TESK2: variants seen among roughly 807,000 people sequenced by gnomAD.
TESK2 encodes the protein dual specificity testis-specific protein kinase 2.
A neutral mutation model predicts 57.1 loss-of-function variants in TESK2; 39 were observed. That is an observed-to-expected ratio of 0.68 (90% CI 0.53 to 0.89). The LOEUF (loss-of-function observed/expected upper bound fraction) is 0.89, where lower values mean the gene tolerates loss of function less well. Ranked by LOEUF, TESK2 falls within the 40% of genes least tolerant of loss-of-function variation. TESK2 has a pLI of 0.00. For synonymous variants in TESK2, 249 were observed against 267.9 expected, an observed-to-expected ratio of 0.93 and a Z score of 0.69; for missense variants, 646 against 732.1, an observed-to-expected ratio of 0.88 and a Z score of 1.36.
At position 45,384,967 on chromosome 1, in the gene TESK2, G is replaced by A. The variant is rs182149930; in HGVS notation, c.393+945C>T. On this transcript the variant is annotated intron_variant, in intron 4 of 10. Transcript: ENST00000372086. ...CAGTAACTGAGAAAAGAGAGAGACT[G>A]AGGCACATGGGACCCTCTTTCATAA... Among the ~76,000 whole-genome samples, 3 of 152,194 alleles carry A rather than the reference G, an allele frequency of 2.0e-5. No individual in the cohort carries two copies. In the East Asian group the frequency reaches 5.8e-4, roughly 29 times the overall value.
At chr1:45,373,778 G>A (rs1648297682) in intron 4 of TESK2, among the ~76,000 whole-genome samples, 1 of 152,198 alleles carries the variant, frequency 6.6e-6, no homozygotes, top group Non-Finnish European at 1.5e-5. Flanking sequence ...AGTGCAGACA[G>A]TGATTATGTA....
At chr1:45,451,457 C>T (rs1190886092) in intron 2 of TESK2, among the ~76,000 whole-genome samples, 1 of 152,018 alleles carries the variant, frequency 6.6e-6, no homozygotes, top group Non-Finnish European at 1.5e-5. Flanking sequence ...CCATATGTGC[C>T]CTTGATTTGA....
At chr1:45,399,009 A>T in intron 3 of TESK2, 1 of 416,970 alleles carries the variant, frequency 2.4e-6, no homozygotes, top group Non-Finnish European at 4.6e-6. Context: ...AAAAAAAAAC[A>T]AGCCTTTAAG....
In TESK2 at chr1:45,344,691, A is replaced by G. The variant is rs559964368; in HGVS notation, c.*149T>C. The G allele has an allele frequency of 3.1e-4, 217 of 701,264 alleles. No individual in the cohort carries two copies. Among genetic ancestry groups the G allele is most frequent in the African/African-American group, 2.9e-3 (161 of 55,642 alleles). 43.4% of individuals were successfully genotyped at this position (701,264 alleles called of 1,614,324 possible). Reference sequence around the variant, plus strand: ...TGCTGCCTCCCGTCATACACAGCCAATGGGCACTGGGAGCCCAGAAGTTGA... The same window carrying G: ...TGCTGCCTCCCGTCATACACAGCCAGTGGGCACTGGGAGCCCAGAAGTTGA... On this transcript the variant is annotated 3_prime_UTR_variant, in exon 11 of 11. Transcript: ENST00000372086.
intron 3 of TESK2, among the ~76,000 whole-genome samples, chr1:45,389,249 C>T (rs1159822350): frequency 6.6e-6 from 1 of 152,054 alleles, no homozygotes; most frequent in Non-Finnish European, 1.5e-5. Context: ...CCTGAGACCT[C>T]GTCATATACA....
intron 1 of TESK2, among the ~76,000 whole-genome samples, chr1:45,483,108 T>G (rs1442183466): frequency 6.8e-6 from 1 of 147,368 alleles, no homozygotes; most frequent in African/African-American, 2.5e-5. Flanking sequence ...CGAAACCCCA[T>G]CTCTACTAAA....
chr1:45,386,469 C>G (rs1385492981), intron 3 of TESK2, among the ~76,000 whole-genome samples: 1 of 150,872 alleles, frequency 6.6e-6, no homozygotes, highest in Non-Finnish European at 1.5e-5. Context: ...GAAGAAAGAA[C>G]CTGTGAAGCC....
At chr1:45,434,217 C>A (rs893679617) in intron 2 of TESK2, among the ~76,000 whole-genome samples, 10 of 152,134 alleles carry the variant, frequency 6.6e-5, no homozygotes, top group Non-Finnish European at 1.2e-4. Flanking sequence ...TGGTCTCGAA[C>A]TCCGGAGCTC....
Position 45,436,181 on chromosome 1 carries a change from C to CT in TESK2, c.223-14336dup, listed in dbSNP as rs1170732475. ...CTGTGAAAAATGACATTGGTATCTT[C>CT]TTTTTTTTTTTTTTTTTTTTTGAGA... On this transcript the variant is annotated intron_variant, in intron 2 of 10. Coordinates refer to ENST00000372086, the MANE Select transcript of TESK2 (RefSeq NM_007170.3). Among the ~76,000 whole-genome samples the CT allele has an allele frequency of 3.4e-4, 19 of 56,620 alleles. 3 individuals are homozygous for CT. Among genetic ancestry groups the CT allele is most frequent in the Admixed American group, 1.3e-3 (4 of 3,190 alleles). The allele number at this position is 56,620 out of a possible 152,430, so 37.1% of individuals were successfully genotyped here. A position where few individuals can be genotyped will look rare whatever the true frequency, so the allele number is the denominator to read the frequency against.
chr1:45,437,706 T>C (rs2149292708), intron 2 of TESK2, among the ~76,000 whole-genome samples: 1 of 152,332 alleles, frequency 6.6e-6, no homozygotes, highest in East Asian at 1.9e-4. Context: ...TTTATTATGT[T>C]GAGGTATGTT....
intron 4 of TESK2, among the ~76,000 whole-genome samples, chr1:45,366,016 C>A (rs984595359): frequency 6.6e-6 from 1 of 151,904 alleles, no homozygotes. Flanking sequence ...ACCATGTTGG[C>A]CAGGCTGGTC....
intron 4 of TESK2, among the ~76,000 whole-genome samples, chr1:45,381,679 A>G (rs937164524): frequency 6.6e-6 from 1 of 152,072 alleles, no homozygotes; most frequent in African/African-American, 2.4e-5. Flanking sequence ...TGTATGAGAA[A>G]TAAACGTTTA....
intron 2 of TESK2, among the ~76,000 whole-genome samples, chr1:45,455,892 T>G (rs1183030110): frequency 6.6e-6 from 1 of 151,838 alleles, no homozygotes; most frequent in Non-Finnish European, 1.5e-5. Context: ...GTATACCTAT[T>G]AATAAAAGAA....
chr1:45,474,544 C>G (rs965122292), intron 1 of TESK2, among the ~76,000 whole-genome samples: 4 of 152,006 alleles, frequency 2.6e-5, no homozygotes, highest in African/African-American at 9.7e-5. Flanking sequence ...ATGATCTCAG[C>G]TCAGTGCAAT....
At chr1:45,473,195 A>G (rs969981505) in intron 1 of TESK2, among the ~76,000 whole-genome samples, 22 of 151,214 alleles carry the variant, frequency 1.5e-4, no homozygotes, top group African/African-American at 4.6e-4. Context: ...AAAATTTCCC[A>G]AAGTACAGAA....
At chr1:45,460,760 C>T (rs932937722) in intron 1 of TESK2, among the ~76,000 whole-genome samples, 1 of 151,816 alleles carries the variant, frequency 6.6e-6, no homozygotes, top group Non-Finnish European at 1.5e-5. Flanking sequence ...CCCCTCATCA[C>T]TAAAAAAATA....
At chr1:45,415,283 T>C in intron 3 of TESK2, 1 of 1,348,042 alleles carries the variant, frequency 7.4e-7, no homozygotes, top group Non-Finnish European at 1.1e-6. Flanking sequence ...ATGGGGCACT[T>C]TGGGTCTGGG....
In TESK2 at chr1:45,345,438, G is replaced by A; in HGVS notation, c.1118C>T (p.Ser373Phe). The A allele has an allele frequency of 1.2e-6, 2 of 1,614,156 alleles. No individual in the cohort carries two copies. The highest frequency in any genetic ancestry group is 1.7e-6 in the Non-Finnish European group (2 of 1,180,032). Residue 373 changes from serine (S) to phenylalanine (F), a missense_variant, in exon 11 of 11, where the codon TCC becomes TTC. Ser to Phe is a radical substitution (Grantham distance 155). Coordinates refer to ENST00000372086, the MANE Select transcript of TESK2 (RefSeq NM_007170.3). Reference protein sequence around the residue: ...WLSRSQSDIFSRKPPRTVSVL... With the variant: ...WLSRSQSDIFFRKPPRTVSVL... ...ACTCACTGTACGTGGGGGCTTACGG[G>A]AAAAGATATCTGACTGGCTTCGAGA...
chr1:45,347,554 C>A, intron 7 of TESK2, 55 bp downstream of exon 7: 1 of 1,534,310 alleles, frequency 6.5e-7, no homozygotes, highest in South Asian at 1.1e-5. Flanking sequence ...GAGACCATCT[C>A]AAAAAAAAGA....
Sources: allele counts gnomAD v4.1 joint callset (sites outside exome capture counted in the v4.1 genomes callset), GRCh38; gene constraint gnomAD v4.1.1; transcripts MANE v1.5; gene names NCBI Gene and HGNC (gene_info 2026-07-23, HGNC 2026-07-21).